The following MDGA2 variants were observed in gnomAD, a reference collection of about 807,000 sequenced individuals.
MDGA2 encodes MAM domain-containing glycosylphosphatidylinositol anchor protein 2.
A neutral mutation model predicts 117.8 loss-of-function variants in MDGA2; 40 were observed. The observed-to-expected ratio is 0.34, with a 90% confidence interval of 0.26 to 0.44. The LOEUF (loss-of-function observed/expected upper bound fraction) is 0.44. Among genes scored for constraint, MDGA2 ranks in the 20% least tolerant of loss-of-function variants. The pLI, the probability that MDGA2 is intolerant of heterozygous loss-of-function variation, is 1.00. For missense variants in MDGA2, 1,123 were observed against 1,250.6 expected (o/e 0.90, Z 1.54); for synonymous variants, 452 against 439.0 (o/e 1.03, Z -0.37).
At chr14:46,867,264 T>C (rs1346071674) in intron 14 of MDGA2, among the ~76,000 whole-genome samples, 2 of 152,028 alleles carry the variant, frequency 1.3e-5, no homozygotes, top group African/African-American at 4.8e-5. Context: ...AAATTGGAAA[T>C]CATCATTCTC....
At chr14:46,906,278 T>C (rs1333158926) in intron 10 of MDGA2, among the ~76,000 whole-genome samples, 2 of 151,294 alleles carry the variant, frequency 1.3e-5, no homozygotes, top group Non-Finnish European at 3.0e-5. Flanking sequence ...ATGAGATGAG[T>C]CCTTAAAATA....
intron 6 of MDGA2, among the ~76,000 whole-genome samples, chr14:47,068,481 A>G (rs1358415220): frequency 6.6e-6 from 1 of 151,510 alleles, no homozygotes. Context: ...AAATGAAAAC[A>G]TTTACATGTG....
intron 4 of MDGA2, 100 bp from the exon 5 acceptor site, chr14:47,131,946 T>G: frequency 4.3e-6 from 4 of 935,796 alleles, no homozygotes; most frequent in South Asian, 3.0e-5. Context: ...ATCATATTAT[T>G]ATCAGAATAT....
At chr14:46,941,582 T>G (rs191637842) in intron 9 of MDGA2, among the ~76,000 whole-genome samples, 17 of 152,310 alleles carry the variant, frequency 1.1e-4, no homozygotes, top group African/African-American at 3.6e-4. Context: ...ATGGCTTTGA[T>G]TCCACTGAAC....
In MDGA2 at chr14:47,559,915, T is replaced by A. The variant is rs574566598; in HGVS notation, c.280+114602A>T. On this transcript the variant is annotated intron_variant, in intron 1 of 16. Transcript: ENST00000399232. ...AATGATTTATATTCCTTTGGGAATA[T>A]ATGCAGTAATGGGATTGCTGGGTCA... 2.0e-5 allele frequency among the ~76,000 whole-genome samples: 3 copies of A among 152,226 alleles called. No individual in the cohort carries two copies. In the South Asian group the frequency reaches 6.2e-4, roughly 32 times the overall value.
At chr14:47,254,982 T>C (rs1420847076) in intron 2 of MDGA2, among the ~76,000 whole-genome samples, 1 of 152,098 alleles carries the variant, frequency 6.6e-6, no homozygotes. Flanking sequence ...TTACTGACTA[T>C]CAGGAAAATG....
intron 1 of MDGA2, among the ~76,000 whole-genome samples, chr14:47,366,507 G>A (rs1475494081): frequency 6.6e-6 from 1 of 151,950 alleles, no homozygotes; most frequent in African/African-American, 2.4e-5. Context: ...AGCCAAATGA[G>A]GATGCCTACC....
chr14:47,384,690 C>A (rs1259422569), intron 1 of MDGA2, among the ~76,000 whole-genome samples: 1 of 152,112 alleles, frequency 6.6e-6, no homozygotes, highest in Non-Finnish European at 1.5e-5. Flanking sequence ...TGCCACAGTA[C>A]TTCCATACAG....
chr14:47,259,128 T>C (rs1221320956), intron 2 of MDGA2, among the ~76,000 whole-genome samples: 1 of 152,080 alleles, frequency 6.6e-6, no homozygotes, highest in Non-Finnish European at 1.5e-5. Flanking sequence ...GTTTTTGTTG[T>C]TGTTTTCCAA....
At chr14:47,216,825 G>A (rs1230306844) in intron 3 of MDGA2, among the ~76,000 whole-genome samples, 1 of 152,002 alleles carries the variant, frequency 6.6e-6, no homozygotes, top group Admixed American at 6.6e-5. Flanking sequence ...TATTATTTTG[G>A]GAAGTATACA....
chr14:47,566,175 A>C (rs76375280), intron 1 of MDGA2, among the ~76,000 whole-genome samples: 2,209 of 152,294 alleles, frequency 0.015, 51 homozygotes, highest in East Asian at 0.12. Context: ...TGGTGGAAGA[A>C]GGACATGTGT....
chr14:47,084,556 T>C (rs1890827625), intron 6 of MDGA2, among the ~76,000 whole-genome samples: 1 of 151,616 alleles, frequency 6.6e-6, no homozygotes, highest in South Asian at 2.1e-4. Context: ...AGTAATTCAG[T>C]GTTATGGACT....
At chr14:47,415,576 T>C (rs1251524938) in intron 1 of MDGA2, among the ~76,000 whole-genome samples, 1 of 152,160 alleles carries the variant, frequency 6.6e-6, no homozygotes, top group Non-Finnish European at 1.5e-5. Context: ...TATTATAGTA[T>C]GTGTATATAG....
At chr14:47,382,963 A>T (rs1891670359) in intron 1 of MDGA2, among the ~76,000 whole-genome samples, 1 of 152,238 alleles carries the variant, frequency 6.6e-6, no homozygotes, top group Admixed American at 6.5e-5. Flanking sequence ...CCAAATGTCC[A>T]TCAATGATAG....
intron 9 of MDGA2, among the ~76,000 whole-genome samples, chr14:46,943,755 A>AT (rs1217173725): frequency 1.3e-5 from 2 of 151,946 alleles, no homozygotes; most frequent in Admixed American, 6.6e-5. Flanking sequence ...CAATGTTGTT[A>AT]TTTTTTCTTC....
chr14:47,203,132 G>A (rs1215822475), intron 3 of MDGA2, among the ~76,000 whole-genome samples: 1 of 151,892 alleles, frequency 6.6e-6, no homozygotes, highest in Non-Finnish European at 1.5e-5. Flanking sequence ...GCAGTAACAG[G>A]AATCCAGGTA....
intron 8 of MDGA2, among the ~76,000 whole-genome samples, chr14:46,963,124 G>T (rs189553538): frequency 1.3e-5 from 2 of 152,162 alleles, no homozygotes; most frequent in Non-Finnish European, 2.9e-5. Flanking sequence ...TATGTGAATT[G>T]ATGGTTAAAC....
rs548063527 is a variant in MDGA2 at position 46,976,713 on chromosome 14, G to A, written c.1820-19070C>T. Among the ~76,000 whole-genome samples the A allele has an allele frequency of 9.9e-5, 15 of 151,864 alleles. No homozygotes were observed. In the East Asian group the frequency reaches 2.3e-3, roughly 24 times the overall value. ...GTTTTATTTAATGACTGTCAAGATC[G>A]TTCATTCGTTCAGACACTTCTTCAG... On this transcript the variant is annotated intron_variant, in intron 8 of 16. Transcript: ENST00000399232.
intron 1 of MDGA2, among the ~76,000 whole-genome samples, chr14:47,655,985 C>T (rs1897735921): frequency 6.6e-6 from 1 of 152,116 alleles, no homozygotes; most frequent in African/African-American, 2.4e-5. Context: ...ACAATGTTAG[C>T]CACTGAAGGT....
Sources: gnomAD v4.1 joint callset for allele counts (sites outside exome capture counted in the v4.1 genomes callset) on GRCh38, gnomAD v4.1.1 for gene constraint, MANE v1.5 for transcripts, NCBI Gene and HGNC (gene_info 2026-07-23, HGNC 2026-07-21) for gene names.